Variants in SEC22C observed in about 807,000 individuals in gnomAD.
The protein encoded by SEC22C is vesicle-trafficking protein SEC22c.
In SEC22C, 29 loss-of-function variants were observed where a neutral mutation model predicts 34.7. The ratio of observed to expected loss-of-function variants is 0.84; its 90% CI spans 0.62 to 1.14. SEC22C has a LOEUF of 1.14. Ranked by LOEUF, SEC22C falls within the 50% of genes most tolerant of loss-of-function variation. The pLI, the probability that SEC22C is intolerant of heterozygous loss-of-function variation, is 0.00. For missense variants in SEC22C, 337 were observed against 369.0 expected, an observed-to-expected ratio of 0.91 and a Z score of 0.71; for synonymous variants, 117 against 132.8, an observed-to-expected ratio of 0.88 and a Z score of 0.82.
chr3:42,588,445 T>C (rs945915912), intron 1 of SEC22C, among the ~76,000 whole-genome samples: 5 of 152,042 alleles, frequency 3.3e-5, no homozygotes, highest in Non-Finnish European at 7.4e-5. Context: ...ACTTTATTCC[T>C]CAAAACATGT....
At chr3:42,600,627 A>C in intron 1 of SEC22C, 1 of 161,096 alleles carries the variant, frequency 6.2e-6, no homozygotes. Flanking sequence ...CTCTCGCGGT[A>C]TTTGTCCCGA....
rs1423172842 is a variant in SEC22C at position 42,552,059 on chromosome 3, C to T, written c.*1189G>A. The T allele has an allele frequency of 5.1e-6, 5 of 985,268 alleles. No individual in the cohort carries two copies. The highest frequency in any genetic ancestry group is 1.1e-4 in the East Asian group (1 of 8,824). The allele number at this position is 985,268 out of a possible 1,614,324, so 61.0% of individuals were successfully genotyped here. A position where few individuals can be genotyped will look rare whatever the true frequency, so the allele number is the denominator to read the frequency against. On this transcript the variant is annotated 3_prime_UTR_variant, in exon 7 of 7. Transcript: ENST00000264454. ...TACAAAACAAGCCAGGCTGAAATTT[C>T]GGGAAACCTAAGGGATCTTATCCAG...
At chr3:42,591,983 T>A (rs1704866466) in intron 1 of SEC22C, among the ~76,000 whole-genome samples, 1 of 152,004 alleles carries the variant, frequency 6.6e-6, no homozygotes, top group Non-Finnish European at 1.5e-5. Context: ...AGTGAAGGGG[T>A]CAGGCCATTT....
rs577467103 is a variant in SEC22C, at chr3:42,589,046, C to T, written c.-28+11914G>A. On this transcript the variant is annotated intron_variant, in intron 1 of 6. Coordinates refer to the SEC22C transcript ENST00000417572. The stretch of plus-strand genomic sequence containing the variant: ...TTTGGAGGCCGAAGCGGGCGGATCA[C>T]GAGGTCAGGAGTTCAAGACTAGCCT... Among the ~76,000 whole-genome samples, 110 of 151,870 alleles carry T rather than the reference C, an allele frequency of 7.2e-4. 1 individual carries two copies. The highest frequency in any genetic ancestry group is 2.5e-3 in the African/African-American group (104 of 41,400).
chr3:42,580,271 A>G (rs1338670902), intron 1 of SEC22C, among the ~76,000 whole-genome samples: 1 of 152,218 alleles, frequency 6.6e-6, no homozygotes, highest in Non-Finnish European at 1.5e-5. Flanking sequence ...AACAGAGAGA[A>G]AGAGAGAGAT....
At chr3:42,597,893 C>T (rs1003386863) in intron 1 of SEC22C, among the ~76,000 whole-genome samples, 4 of 152,186 alleles carry the variant, frequency 2.6e-5, no homozygotes, top group Non-Finnish European at 4.4e-5. Context: ...CACTTCACAT[C>T]CATTAGGATG....
intron 1 of SEC22C, among the ~76,000 whole-genome samples, chr3:42,589,136 G>A (rs868036102): frequency 2.6e-5 from 4 of 152,178 alleles, no homozygotes; most frequent in African/African-American, 9.6e-5. Context: ...GGGTGTGGTG[G>A]CAGGCACCTG....
intron 1 of SEC22C, among the ~76,000 whole-genome samples, chr3:42,592,428 G>A (rs1704883085): frequency 6.6e-6 from 1 of 152,098 alleles, no homozygotes; most frequent in African/African-American, 2.4e-5. Context: ...TCAAACTCCT[G>A]ACCTCAGATG....
intron 1 of SEC22C, among the ~76,000 whole-genome samples, chr3:42,587,735 C>CAA (rs34964951): frequency 6.6e-5 from 9 of 135,918 alleles, no homozygotes; most frequent in Admixed American, 7.6e-5. Context: ...GACTCCGTCT[C>CAA]AAAAAAAAAA....
chr3:42,580,356 T>C (rs1206487498), intron 1 of SEC22C: 2 of 152,166 alleles, frequency 1.3e-5, no homozygotes, highest in Non-Finnish European at 2.9e-5. Flanking sequence ...CACAAAGTGT[T>C]CACCATAAAG....
intron 6 of SEC22C, among the ~76,000 whole-genome samples, chr3:42,555,346 C>CA (rs34824398): frequency 0.048 from 6,455 of 134,720 alleles, 269 homozygotes; most frequent in East Asian, 0.11. Flanking sequence ...GACTCCGTCT[C>CA]AAAAAAAAAA....
intron 1 of SEC22C, chr3:42,594,942 C>T (rs564898896): frequency 6.5e-6 from 1 of 153,268 alleles, no homozygotes; most frequent in African/African-American, 2.4e-5. Context: ...AATGTGGTCC[C>T]CCTGACTGCT....
chr3:42,566,678 CAAAAA>C, intron 2 of SEC22C: 2 of 128,878 alleles, frequency 1.6e-5, no homozygotes, highest in Non-Finnish European at 3.4e-5. Flanking sequence ...GACTCCGTCT[CAAAAA>C]AAAAAAAAAA....
At chr3:42,570,963 C>T (rs777368488) in intron 1 of SEC22C, among the ~76,000 whole-genome samples, 1 of 152,022 alleles carries the variant, frequency 6.6e-6, no homozygotes, top group Non-Finnish European at 1.5e-5. Context: ...CAATGAGATA[C>T]CAAAACAGTT....
Position 42,550,133 on chromosome 3 carries a change from A to G in SEC22C, c.*3115T>C. ...CCGTGGTTGGGAAACCCTTCCTAAGAGCATGGAGCCACACTCTGGCCTTGA... is the reference window on the plus strand; with the variant it reads ...CCGTGGTTGGGAAACCCTTCCTAAGGGCATGGAGCCACACTCTGGCCTTGA... On this transcript the variant is annotated 3_prime_UTR_variant, in exon 7 of 7. Transcript: ENST00000264454. The G allele has an allele frequency of 1.0e-6, 1 of 985,478 alleles. No individual in the cohort carries two copies. Among genetic ancestry groups the G allele is most frequent in the Non-Finnish European group, 1.2e-6 (1 of 829,948 alleles). 61.0% of individuals were successfully genotyped at this position (985,478 alleles called of 1,614,324 possible).
intron 1 of SEC22C, among the ~76,000 whole-genome samples, chr3:42,596,069 C>T (rs771319018): frequency 1.2e-4 from 18 of 151,352 alleles, no homozygotes; most frequent in South Asian, 2.1e-4. Flanking sequence ...CTCGCTCTGT[C>T]GGAGTGCAGT....
intron 2 of SEC22C, among the ~76,000 whole-genome samples, chr3:42,566,398 C>T (rs1457048356): frequency 3.3e-5 from 5 of 152,070 alleles, no homozygotes; most frequent in East Asian, 1.9e-4. Flanking sequence ...TATTCAAGGC[C>T]GGGTGCGGTG....
intron 1 of SEC22C, chr3:42,594,378 G>A (rs937796802): frequency 4.0e-6 from 6 of 1,492,426 alleles, no homozygotes; most frequent in Admixed American, 1.7e-5. Context: ...GTTCATGGTC[G>A]GTAAAAACAA....
At chr3:42,577,860 C>T (rs1704064897) in intron 1 of SEC22C, among the ~76,000 whole-genome samples, 1 of 152,046 alleles carries the variant, frequency 6.6e-6, no homozygotes, top group African/African-American at 2.4e-5. Flanking sequence ...ATCCCAGCTA[C>T]TTGGGAGGCT....
Sources: allele counts gnomAD v4.1 joint callset (sites outside exome capture counted in the v4.1 genomes callset), GRCh38; gene constraint gnomAD v4.1.1; transcripts MANE v1.5; gene names NCBI Gene and HGNC (gene_info 2026-07-23, HGNC 2026-07-21).